CD9: variants seen among roughly 807,000 people sequenced by gnomAD.
CD9 encodes the protein CD9 molecule, also known as CD9 antigen.
Under a neutral mutation model 31.4 loss-of-function variants are expected in CD9, and 10 were observed. The ratio of observed to expected loss-of-function variants is 0.32; its 90% CI spans 0.20 to 0.54. The LOEUF (loss-of-function observed/expected upper bound fraction) is 0.54. CD9 is among the 20% of genes least tolerant of loss of function. CD9 has a pLI of 0.94. For missense variants in CD9, 259 were observed against 300.1 expected (o/e 0.86, Z 1.01); for synonymous variants, 113 against 114.1 (o/e 0.99, Z 0.06).
At chr12:6,215,396 C>T (rs1392261173) in intron 1 of CD9, among the ~76,000 whole-genome samples, 4 of 152,092 alleles carry the variant, frequency 2.6e-5, no homozygotes, top group Non-Finnish European at 5.9e-5. Context: ...ATGAGAGTCA[C>T]CTGGGGAGGT....
intron 2 of CD9, among the ~76,000 whole-genome samples, chr12:6,229,084 C>G (rs1416623294): frequency 6.6e-6 from 1 of 152,250 alleles, no homozygotes; most frequent in Non-Finnish European, 1.5e-5. Context: ...CCTGGAGATT[C>G]AGCCCGTCAG....
intron 1 of CD9, among the ~76,000 whole-genome samples, chr12:6,216,873 G>A (rs929106349): frequency 1.3e-5 from 2 of 152,216 alleles, no homozygotes; most frequent in South Asian, 2.1e-4. Context: ...GTCACCTCAC[G>A]TCTTTCTCAG....
chr12:6,211,513 A>G (rs1359722009), intron 1 of CD9, among the ~76,000 whole-genome samples: 1 of 152,178 alleles, frequency 6.6e-6, no homozygotes, highest in Non-Finnish European at 1.5e-5. Flanking sequence ...AAAACTGTCA[A>G]GGAAGGAGCA....
At chr12:6,223,407 G>A (rs892860420) in intron 1 of CD9, among the ~76,000 whole-genome samples, 2 of 152,074 alleles carry the variant, frequency 1.3e-5, no homozygotes, top group African/African-American at 4.8e-5. Flanking sequence ...GACTACAGGC[G>A]CCCGCCACCA....
intron 7 of CD9, chr12:6,236,710 C>T (rs1946528044): frequency 2.6e-6 from 1 of 383,576 alleles, no homozygotes; most frequent in Non-Finnish European, 4.6e-6. Flanking sequence ...GCTAATCAGC[C>T]CCTAGAAACC....
intron 1 of CD9, among the ~76,000 whole-genome samples, chr12:6,217,783 A>G (rs1267746477): frequency 1.3e-5 from 2 of 152,018 alleles, no homozygotes; most frequent in Non-Finnish European, 2.9e-5. Context: ...ACCACTGCCC[A>G]CCTCCAACCC....
rs751649662 is a variant in CD9, at chr12:6,200,453, C to A, written c.-47C>A. The A allele has an allele frequency of 7.6e-7, 1 of 1,314,972 alleles. No homozygotes were observed. 81.5% of individuals were successfully genotyped at this position (1,314,972 alleles called of 1,614,324 possible). A position where few individuals can be genotyped will look rare whatever the true frequency, so the allele number is the denominator to read the frequency against. ...GTCCCGCCAGTCCCAGCTGCGCGCG[C>A]CCCCCAGTCCCGCACCCGTTCGGCC... On this transcript the variant is annotated 5_prime_UTR_variant, in exon 1 of 8. Coordinates refer to ENST00000009180, the MANE Select transcript of CD9 (RefSeq NM_001769.4).
chr12:6,208,548 GTTTT>G (rs572201694), intron 1 of CD9, among the ~76,000 whole-genome samples: 3 of 151,890 alleles, frequency 2.0e-5, no homozygotes, highest in Admixed American at 6.6e-5. Flanking sequence ...AAGGATTTTA[GTTTT>G]TTTTGTTTGT....
chr12:6,206,669 G>T (rs1199005267), intron 1 of CD9, among the ~76,000 whole-genome samples: 1 of 152,146 alleles, frequency 6.6e-6, no homozygotes, highest in African/African-American at 2.4e-5. Context: ...CCTGTCCCCA[G>T]ATGAGATAAT....
intron 1 of CD9, chr12:6,200,780 A>C: frequency 2.2e-6 from 1 of 448,008 alleles, no homozygotes; most frequent in Non-Finnish European, 3.9e-6. Context: ...GTGGGGGCTC[A>C]TCACCGCCCA....
At chr12:6,235,009 G>A (rs1208302245) in intron 4 of CD9, among the ~76,000 whole-genome samples, 1 of 152,206 alleles carries the variant, frequency 6.6e-6, no homozygotes, top group East Asian at 1.9e-4. Context: ...GGGAGAAACA[G>A]CCCGAGTGGG....
At chr12:6,236,056 T>C in intron 6 of CD9, 136 bp from the exon 7 acceptor site, 7 of 1,458,664 alleles carry the variant, frequency 4.8e-6, no homozygotes, top group Non-Finnish European at 6.3e-6. Context: ...AGAACTTCTC[T>C]TATCCCCGAA....
intron 6 of CD9, 21 bp downstream of exon 6, chr12:6,235,586 T>C: frequency 6.3e-7 from 1 of 1,596,746 alleles, no homozygotes; most frequent in Non-Finnish European, 8.6e-7. Flanking sequence ...ACCAGGATCC[T>C]GGTGTCCCTG....
At chr12:6,224,076 T>C (rs1946329766) in intron 1 of CD9, among the ~76,000 whole-genome samples, 1 of 152,150 alleles carries the variant, frequency 6.6e-6, no homozygotes, top group Non-Finnish European at 1.5e-5. Flanking sequence ...GCTGAGAAGA[T>C]GCTGAGTGAC....
intron 2 of CD9, among the ~76,000 whole-genome samples, chr12:6,231,831 T>C (rs1487204963): frequency 6.6e-6 from 1 of 152,236 alleles, no homozygotes; most frequent in Non-Finnish European, 1.5e-5. Flanking sequence ...TGTTAAGATC[T>C]TGTTAGCATG....
chr12:6,200,497 A>G lies in CD9; in HGVS notation c.-3A>G. 2 of 1,609,458 alleles carry G rather than the reference A, an allele frequency of 1.2e-6. No individual in the cohort carries two copies. The highest frequency in any genetic ancestry group is 1.7e-6 in the Non-Finnish European group (2 of 1,176,500). ...TTCGGCCCAGGCTAAGTTAGCCCTC[A>G]CCATGCCGGTCAAAGGAGGCACCAA... On this transcript the variant is annotated 5_prime_UTR_variant, in exon 1 of 8. Transcript: ENST00000009180.
chr12:6,224,125 T>C lies in CD9; in HGVS notation c.67-1301T>C, dbSNP rs997599187. 2.0e-5 allele frequency among the ~76,000 whole-genome samples: 3 copies of C among 152,298 alleles called. No individual in the cohort carries two copies. In the East Asian group the frequency reaches 5.8e-4, roughly 29 times the overall value. ...GGAGTGCAGGGCTGGTGGGGCTTCA[T>C]GCTGGTAAAGTGAGGTGGTTCTCCC... On this transcript the variant is annotated intron_variant, in intron 1 of 7. Coordinates refer to ENST00000009180, the MANE Select transcript of CD9 (RefSeq NM_001769.4).
In CD9 at chr12:6,238,198, T is replaced by C. The variant is rs888651894; in HGVS notation, c.*370T>C. 1.2e-5 allele frequency: 2 copies of C among 164,900 alleles called. No individual in the cohort carries two copies. The highest frequency in any genetic ancestry group is 4.8e-5 in the African/African-American group (2 of 41,646). 10.2% of individuals were successfully genotyped at this position (164,900 alleles called of 1,614,324 possible). Reference sequence around the variant, plus strand: ...TAAATAGATACAAATGTCTATCAACTTTAATCAAGTTGTAACTTATATTGA... The same window carrying C: ...TAAATAGATACAAATGTCTATCAACCTTAATCAAGTTGTAACTTATATTGA... On this transcript the variant is annotated 3_prime_UTR_variant, in exon 8 of 8. Coordinates refer to ENST00000009180, the MANE Select transcript of CD9 (RefSeq NM_001769.4).
chr12:6,215,892 G>A (rs1333729715), intron 1 of CD9, among the ~76,000 whole-genome samples: 1 of 152,228 alleles, frequency 6.6e-6, no homozygotes, highest in Non-Finnish European at 1.5e-5. Context: ...CGGAGTTTTG[G>A]TTTTCTTGTT....
Sources: gnomAD v4.1 joint callset for allele counts (sites outside exome capture counted in the v4.1 genomes callset) on GRCh38, gnomAD v4.1.1 for gene constraint, MANE v1.5 for transcripts, NCBI Gene and HGNC (gene_info 2026-07-23, HGNC 2026-07-21) for gene names.